The following BMP1 variants were observed in gnomAD, a reference collection of about 807,000 sequenced individuals.
BMP1 encodes bone morphogenetic protein 1.
A neutral mutation model predicts 116.8 loss-of-function variants in BMP1; 63 were observed. The ratio of observed to expected loss-of-function variants is 0.54; its 90% CI spans 0.44 to 0.67. The LOEUF is 0.67. Among genes scored for constraint, BMP1 ranks in the 30% least tolerant of loss-of-function variants. The pLI is 0.00. For missense variants in BMP1, 1,183 were observed against 1,358.9 expected, an observed-to-expected ratio of 0.87 and a Z score of 2.04; for synonymous variants, 536 against 533.4, an observed-to-expected ratio of 1.00 and a Z score of -0.07.
intron 15 of BMP1, chr8:22,198,339 TG>T: frequency 1.3e-5 from 2 of 152,216 alleles, no homozygotes; most frequent in Non-Finnish European, 2.9e-5. Flanking sequence ...GAGCCTTTGA[TG>T]GCCCCATCTT....
At position 22,186,219 on chromosome 8, in the gene BMP1, C is replaced by T. The variant is rs28384145; in HGVS notation, c.1077+5736C>T. Among the ~76,000 whole-genome samples the T allele has an allele frequency of 6.2e-3, 943 of 152,316 alleles. 8 individuals carry two copies. Among genetic ancestry groups the T allele is most frequent in the African/African-American group, 0.022 (907 of 41,564 alleles). ...CCCTCCCTTCTCTGCAAAGCCTGTGCTGGATCCTACCCTAAGTTCCTGCTT... is the reference window on the plus strand; with the variant it reads ...CCCTCCCTTCTCTGCAAAGCCTGTGTTGGATCCTACCCTAAGTTCCTGCTT... On this transcript the variant is annotated intron_variant, in intron 8 of 19. Coordinates refer to ENST00000306385, the MANE Select transcript of BMP1 (RefSeq NM_006129.5).
intron 8 of BMP1, among the ~76,000 whole-genome samples, chr8:22,188,934 G>T (rs569371054): frequency 4.6e-5 from 7 of 152,342 alleles, no homozygotes; most frequent in Non-Finnish European, 4.4e-5. Context: ...AAGGCCACGT[G>T]GAGGAGTGGT....
chr8:22,199,333 C>T, intron 15 of BMP1: 10 of 1,349,448 alleles, frequency 7.4e-6, no homozygotes, highest in Non-Finnish European at 9.9e-6. Flanking sequence ...AAGAAAGAGC[C>T]TGAAGACCTT....
At chr8:22,207,108 T>C in intron 17 of BMP1, 127 bp downstream of exon 17, 1 of 1,469,274 alleles carries the variant, frequency 6.8e-7, no homozygotes, top group Non-Finnish European at 9.2e-7. Flanking sequence ...AAGTCTGGCC[T>C]GGACAGAGGC....
At chr8:22,195,046 T>C (rs1829042613) in intron 12 of BMP1, 127 bp downstream of exon 12, 2 of 1,053,142 alleles carry the variant, frequency 1.9e-6, no homozygotes, top group Non-Finnish European at 2.7e-6. Flanking sequence ...GGCTGTGCCC[T>C]TAAGGAGCTC....
intron 8 of BMP1, among the ~76,000 whole-genome samples, chr8:22,187,820 C>T (rs559389770): frequency 6.6e-4 from 100 of 152,224 alleles, no homozygotes; most frequent in Middle Eastern, 3.4e-3. Context: ...GTGTGTTGGG[C>T]ACTTGTAAAT....
chr8:22,172,337 T>A (rs545404085), intron 1 of BMP1, among the ~76,000 whole-genome samples: 1 of 151,942 alleles, frequency 6.6e-6, no homozygotes. Flanking sequence ...CTCTGCTTCC[T>A]TTTCTCCAGA....
intron 8 of BMP1, 96 bp downstream of exon 8, chr8:22,180,579 G>A (rs959478229): frequency 3.0e-5 from 33 of 1,104,960 alleles, no homozygotes; most frequent in African/African-American, 2.6e-4. Context: ...GGGTGCCAGC[G>A]ACCTACCTGG....
Position 22,191,034 on chromosome 8 carries a change from T to C in BMP1, c.1078-1015T>C, listed in dbSNP as rs1236288217. On this transcript the variant is annotated intron_variant, in intron 8 of 19. Coordinates refer to ENST00000306385, the MANE Select transcript of BMP1 (RefSeq NM_006129.5). ...CCCCCCGGAAGTGGAGGGAAGCCATTAAACTCTCTACCTGTTAAAATGCCC... is the reference window on the plus strand; with the variant it reads ...CCCCCCGGAAGTGGAGGGAAGCCATCAAACTCTCTACCTGTTAAAATGCCC... 2.6e-5 allele frequency among the ~76,000 whole-genome samples: 4 copies of C among 152,134 alleles called. No individual in the cohort carries two copies. In the East Asian group the frequency reaches 7.7e-4, roughly 29 times the overall value.
At position 22,177,054 on chromosome 8, in the gene BMP1, G is replaced by C; in HGVS notation, c.645G>C (p.Leu215=). ...CDKFGIVVHE[L]GHVVGFWHEH... ...AGTTCGGCATTGTGGTCCACGAGCT[G>C]GGCCACGTCGTCGGCTTCTGGCACG... The change falls in exon 5 of 20, where the codon CTG becomes CTC. Residue 215 remains leucine, a synonymous_variant. Transcript: ENST00000306385. The C allele has an allele frequency of 6.2e-7, 1 of 1,612,734 alleles. No homozygotes were observed. The highest frequency in any genetic ancestry group is 8.5e-7 in the Non-Finnish European group (1 of 1,179,510).
In BMP1 at chr8:22,189,068, T is replaced by C. The variant is rs540290226; in HGVS notation, c.1078-2981T>C. On this transcript the variant is annotated intron_variant, in intron 8 of 19. Coordinates refer to ENST00000306385, the MANE Select transcript of BMP1 (RefSeq NM_006129.5). ...ATAACATATGCACACAGTAAACTTT[T>C]TGAACAATCTAGCAATGCATAAAAT... 5.3e-5 allele frequency among the ~76,000 whole-genome samples: 8 copies of C among 152,330 alleles called. No individual in the cohort carries two copies. In the South Asian group the frequency reaches 1.4e-3, roughly 28 times the overall value.
Position 22,173,670 on chromosome 8 carries a change from G to A in BMP1, c.217G>A (p.Asp73Asn). ...GGCCTTCCAGGTACAGCAGGCTGTG[G>A]ATCTCAGACGGCACACAGCTCGTAA... ...LRAFQVQQAV[D>N]LRRHTARKSS... is the part of the protein sequence containing the mutation. The change falls in exon 2 of 20, where the codon GAT becomes AAT. Residue 73 changes from aspartate to asparagine, a missense_variant. By Grantham distance (23) the Asp-to-Asn change is conservative. This residue lies in a region of BMP1 where 185 missense variants were observed against 158.9 expected (regional missense o/e 1.16). Transcript: ENST00000306385. 1 of 1,613,782 alleles carries A rather than the reference G, an allele frequency of 6.2e-7. No homozygotes were observed. The highest frequency in any genetic ancestry group is 1.1e-5 in the South Asian group (1 of 91,056).
chr8:22,190,827 C>T (rs988684394), intron 8 of BMP1, among the ~76,000 whole-genome samples: 14 of 152,170 alleles, frequency 9.2e-5, no homozygotes, highest in African/African-American at 1.4e-4. Flanking sequence ...GGGAGGCAGA[C>T]GGTCCCCTTC....
chr8:22,199,521 C>G, intron 15 of BMP1: 1 of 888,200 alleles, frequency 1.1e-6, no homozygotes, highest in Non-Finnish European at 1.5e-6. Context: ...TCAGGACTCA[C>G]TTTCCCCCAC....
intron 8 of BMP1, among the ~76,000 whole-genome samples, chr8:22,190,294 C>T (rs1828893804): frequency 6.6e-6 from 1 of 152,036 alleles, no homozygotes; most frequent in South Asian, 2.1e-4. Context: ...ATAAAAGGTC[C>T]CCCAAATAAA....
In BMP1 at chr8:22,176,155, C is replaced by T. The variant is rs773257916; in HGVS notation, c.275C>T (p.Thr92Ile). 1.5e-5 allele frequency: 24 copies of T among 1,614,184 alleles called. 1 individual carries two copies. The Middle Eastern group carries it at 2.6e-3, about 178-fold the overall frequency. Residue 92 changes from threonine (T) to isoleucine (I), a missense_variant, in exon 3 of 20, where the codon ACT (threonine) becomes ATT (isoleucine). Thr to Ile is a moderately conservative substitution (Grantham distance 89). Around this residue, in one of 4 missense-constraint regions of BMP1, gnomAD observed 185 missense variants for 158.9 expected, o/e 1.16. Transcript: ENST00000306385. The stretch of plus-strand genomic sequence containing the variant: ...CTTCCTCTCTCAGTTCCAGGAAACA[C>T]TTCTACCCCCAGCTGCCAGAGCACC... ...SSIKAAVPGN[T>I]STPSCQSTNG...
At chr8:22,207,791 G>A (rs1046399089) in intron 18 of BMP1, among the ~76,000 whole-genome samples, 15 of 152,240 alleles carry the variant, frequency 9.9e-5, no homozygotes, top group Non-Finnish European at 2.2e-4. Context: ...GTCCCCCTGA[G>A]CGTACGCGGG....
intron 1 of BMP1, chr8:22,169,763 C>G (rs1299386955): frequency 6.6e-6 from 1 of 152,246 alleles, no homozygotes; most frequent in Non-Finnish European, 1.5e-5. Context: ...AAGGGGAGGC[C>G]TTGCCATGCC....
At chr8:22,174,226 C>T (rs1412575245) in intron 2 of BMP1, among the ~76,000 whole-genome samples, 1 of 152,176 alleles carries the variant, frequency 6.6e-6, no homozygotes, top group Non-Finnish European at 1.5e-5. Context: ...GGAGCTTCTC[C>T]TATTCTTCTT....
Sources: gnomAD v4.1 joint callset for allele counts (sites outside exome capture counted in the v4.1 genomes callset) on GRCh38, gnomAD v4.1.1 for gene constraint, gnomAD v4.1.1 regional missense constraint, MANE v1.5 for transcripts, NCBI Gene and HGNC (gene_info 2026-07-23, HGNC 2026-07-21) for gene names.